Variants in ROS1 observed in about 807,000 individuals in gnomAD.
ROS1 encodes proto-oncogene tyrosine-protein kinase ROS.
Under a neutral mutation model 273.5 loss-of-function variants are expected in ROS1, and 263 were observed. The observed-to-expected ratio is 0.96, with a 90% CI of 0.87 to 1.06. The LOEUF (loss-of-function observed/expected upper bound fraction) is 1.06, where lower values mean the gene tolerates loss of function less well. ROS1 is among the 50% of genes least tolerant of loss of function. The pLI is 0.00. For synonymous variants in ROS1, 1,008 were observed against 954.1 expected (o/e 1.06, Z -1.04); for missense variants, 2,833 against 2,751.1 (o/e 1.03, Z -0.67).
At chr6:117,403,958 A>T (rs1774166542) in intron 6 of ROS1, among the ~76,000 whole-genome samples, 1 of 152,144 alleles carries the variant, frequency 6.6e-6, no homozygotes, top group African/African-American at 2.4e-5. Context: ...AATTGGGGGC[A>T]GGGCGAGGTG....
At position 117,362,890 on chromosome 6, in the gene ROS1, G is replaced by A. The variant is rs144447567; in HGVS notation, c.3104-25C>T. 405 of 1,568,338 alleles carry A rather than the reference G, an allele frequency of 2.6e-4. 2 individuals are homozygous for A. In the African/African-American group the frequency reaches 5.1e-3, roughly 20 times the overall value. ...ACTGAAAAGTAGAGGCACAGGTAGA[G>A]CAGAAAAGAATATAAGAATATAAAG... On this transcript the variant is annotated intron_variant, in intron 21 of 43. Coordinates refer to ENST00000368507, the MANE Select transcript of ROS1 (RefSeq NM_001378902.1).
At chr6:117,416,950 C>T (rs1775383689) in intron 2 of ROS1, among the ~76,000 whole-genome samples, 1 of 152,164 alleles carries the variant, frequency 6.6e-6, no homozygotes, top group Admixed American at 6.6e-5. Context: ...TTACTTCCTG[C>T]TCAGTCTCCT....
chr6:117,367,822 T>G (rs1780392242), intron 18 of ROS1, among the ~76,000 whole-genome samples: 1 of 152,260 alleles, frequency 6.6e-6, no homozygotes, highest in Middle Eastern at 3.4e-3. Flanking sequence ...AATAAAAAGA[T>G]TGATTTAAAA....
intron 22 of ROS1, 148 bp downstream of exon 22, chr6:117,362,455 C>G: frequency 1.6e-6 from 1 of 633,260 alleles, no homozygotes; most frequent in East Asian, 3.0e-5. Context: ...CATTAATTTT[C>G]TCACATAATT....
chr6:117,396,834 T>C, intron 8 of ROS1, 81 bp downstream of exon 8: 1 of 1,027,426 alleles, frequency 9.7e-7, no homozygotes, highest in South Asian at 1.4e-5. Flanking sequence ...ATTTAAACTA[T>C]TTGATACCCA....
At chr6:117,343,939 G>C in intron 28 of ROS1, 121 bp downstream of exon 28, 1 of 733,860 alleles carries the variant, frequency 1.4e-6, no homozygotes, top group South Asian at 1.8e-5. Flanking sequence ...ATCATTAGCT[G>C]TAAAAAAGTT....
rs369052901 is a variant in ROS1 at position 117,300,940 on chromosome 6, C to T, written c.6715+34G>A. 6.4e-5 allele frequency: 97 copies of T among 1,514,754 alleles called. No homozygotes were observed. The African/African-American group carries it at 1.0e-3, about 16-fold the overall frequency. The allele number at this position is 1,514,754 out of a possible 1,614,324, so 93.8% of individuals were successfully genotyped here. On this transcript the variant is annotated intron_variant, in intron 43 of 43. Coordinates refer to ENST00000368507, the MANE Select transcript of ROS1 (RefSeq NM_001378902.1). The stretch of plus-strand genomic sequence containing the variant: ...TAACTTTGTTCAGTTCACAGTGCAG[C>T]GAAAACTAGAAAATTCTGAAGAATC...
At chr6:117,380,208 CA>C (rs1187668591) in intron 17 of ROS1, among the ~76,000 whole-genome samples, 2 of 152,056 alleles carry the variant, frequency 1.3e-5, no homozygotes, top group African/African-American at 2.4e-5. Context: ...ACATCTTCAG[CA>C]AGATACAGCA....
At chr6:117,387,715 T>A in intron 14 of ROS1, 65 bp downstream of exon 14, 2 of 1,530,886 alleles carry the variant, frequency 1.3e-6, no homozygotes, top group East Asian at 4.5e-5. Context: ...CAAGGAAATT[T>A]AAAGGGCACT....
intron 9 of ROS1, among the ~76,000 whole-genome samples, chr6:117,395,191 T>C (rs975806217): frequency 2.0e-5 from 3 of 152,166 alleles, no homozygotes; most frequent in African/African-American, 7.2e-5. Flanking sequence ...CTTAAAGGAA[T>C]GACATTGGAA....
intron 42 of ROS1, among the ~76,000 whole-genome samples, chr6:117,308,185 A>G (rs1236357993): frequency 6.6e-6 from 1 of 152,154 alleles, no homozygotes; most frequent in Non-Finnish European, 1.5e-5. Flanking sequence ...CTTTTTCCTT[A>G]TAATTTGACT....
chr6:117,411,627 G>A (rs1209627330), intron 4 of ROS1, among the ~76,000 whole-genome samples: 1 of 152,082 alleles, frequency 6.6e-6, no homozygotes, highest in Non-Finnish European at 1.5e-5. Flanking sequence ...TCCCAGACTG[G>A]CACACAGGCT....
intron 11 of ROS1, among the ~76,000 whole-genome samples, chr6:117,393,813 T>C (rs1773269135): frequency 6.6e-6 from 1 of 152,180 alleles, no homozygotes; most frequent in South Asian, 2.1e-4. Context: ...CTGGTTATGA[T>C]ATAATTTTAA....
At chr6:117,321,130 T>C in intron 36 of ROS1, 129 bp downstream of exon 36, 1 of 921,840 alleles carries the variant, frequency 1.1e-6, no homozygotes, top group Non-Finnish European at 1.5e-6. Flanking sequence ...GAGGAAGTTA[T>C]TAATAATTAT....
chr6:117,357,684 C>T (rs1779438242), intron 25 of ROS1, 120 bp downstream of exon 25: 2 of 662,620 alleles, frequency 3.0e-6, no homozygotes. Context: ...TATAGTGGGC[C>T]AAGAGCCCTA....
chr6:117,381,911 T>C (rs930876740), intron 17 of ROS1, among the ~76,000 whole-genome samples: 2 of 152,106 alleles, frequency 1.3e-5, no homozygotes, highest in African/African-American at 2.4e-5. Context: ...GTAAGAAGGA[T>C]GAATTTCCCC....
At chr6:117,328,444 CT>C (rs1170891249) in intron 33 of ROS1, 1 of 331,260 alleles carries the variant, frequency 3.0e-6, no homozygotes, top group African/African-American at 2.0e-5. Context: ...ATGTATTTCA[CT>C]CTGCATGAAA....
Position 117,397,063 on chromosome 6 carries a change from C to T in ROS1, c.658G>A (p.Val220Met), listed in dbSNP as rs2128716827. 1 of 1,613,958 alleles carries T rather than the reference C, an allele frequency of 6.2e-7. No homozygotes were observed. Among genetic ancestry groups the T allele is most frequent in the Non-Finnish European group, 8.5e-7 (1 of 1,179,842 alleles). Residue 220 changes from valine to methionine, a missense_variant, in exon 8 of 44, where the codon GTG becomes ATG. Val to Met is a conservative substitution (Grantham distance 21). Coordinates refer to ENST00000368507, the MANE Select transcript of ROS1 (RefSeq NM_001378902.1). ...TGAGGTGGATCCCAGCTGACTTCCA[C>T]AGTGTCGGGACTTGAGCTCTCAATA... is the stretch of plus-strand genomic sequence containing the variant. ...RNIESSSPDT[V>M]EVSWDPPQFP... is the part of the protein sequence containing the mutation.
chr6:117,414,732 C>A (rs1775206821), intron 3 of ROS1, among the ~76,000 whole-genome samples, 187 bp from the exon 4 acceptor site: 1 of 152,134 alleles, frequency 6.6e-6, no homozygotes, highest in African/African-American at 2.4e-5. Flanking sequence ...ATAAGCAGCT[C>A]TAAAAATTAA....
Sources: allele counts gnomAD v4.1 joint callset (sites outside exome capture counted in the v4.1 genomes callset), GRCh38; gene constraint gnomAD v4.1.1; transcripts MANE v1.5; gene names NCBI Gene and HGNC (gene_info 2026-07-23, HGNC 2026-07-21).